MEIOB: variants seen among roughly 807,000 people sequenced by gnomAD.
MEIOB encodes the protein meiosis-specific with OB domain-containing protein.
In MEIOB, 50 loss-of-function variants were observed where a neutral mutation model predicts 53.1. The ratio of observed to expected loss-of-function variants is 0.94; its 90% CI spans 0.75 to 1.19. The LOEUF (loss-of-function observed/expected upper bound fraction) is 1.19, where lower values mean the gene tolerates loss of function less well. MEIOB is among the 50% of genes most tolerant of loss of function. The pLI is 0.00. For missense variants in MEIOB, 551 were observed against 550.8 expected (o/e 1.00, Z 0.00); for synonymous variants, 192 against 182.5 (o/e 1.05, Z -0.42).
At chr16:1,854,480 T>A (rs1164672214) in intron 6 of MEIOB, among the ~76,000 whole-genome samples, 2 of 152,226 alleles carry the variant, frequency 1.3e-5, no homozygotes, top group African/African-American at 2.4e-5. Context: ...CAAAGCTCCA[T>A]GACAGGCCCC....
Position 1,865,817 on chromosome 16 carries a change from T to C in MEIOB, c.88A>G (p.Ile30Val). 1 of 1,548,740 alleles carries C rather than the reference T, an allele frequency of 6.5e-7. No individual in the cohort carries two copies. The highest frequency in any genetic ancestry group is 1.4e-5 in the African/African-American group (1 of 73,024). Residue 30 changes from isoleucine to valine, a missense_variant, in exon 3 of 14, where the codon ATT becomes GTT. Physicochemically the swap from Ile to Val is conservative, Grantham distance 29. Coordinates refer to ENST00000325962, the MANE Select transcript of MEIOB (RefSeq NM_001163560.3). ...MANLKVIGIV[I>V]GKTDVKGFPD... ...AAGCCTTTGACATCTGTTTTCCCAATAACTATACCGATAACTTTCTGAAAA... is the reference window on the plus strand; with the variant it reads ...AAGCCTTTGACATCTGTTTTCCCAACAACTATACCGATAACTTTCTGAAAA...
intron 6 of MEIOB, among the ~76,000 whole-genome samples, chr16:1,856,312 T>C (rs1030598473): frequency 1.7e-5 from 2 of 118,664 alleles, no homozygotes; most frequent in African/African-American, 3.3e-5. Context: ...CCTGTCACCA[T>C]GCCCAGCTAA....
intron 9 of MEIOB, among the ~76,000 whole-genome samples, 190 bp from the exon 10 acceptor site, chr16:1,845,153 T>C (rs933707327): frequency 3.9e-5 from 6 of 152,208 alleles, no homozygotes; most frequent in Non-Finnish European, 5.9e-5. Context: ...CCACATTACA[T>C]CTAAAACAGA....
Position 1,841,958 on chromosome 16 carries a change from T to G in MEIOB, c.896A>C (p.Asp299Ala). ...KESINLSTIV[D>A]VYTVEQLKGK... Reference sequence around the variant, plus strand: ...CTTTAATTGTTCAACTGTGTAGACATCAACTATTGTACTTACTAAAAACAG... The same window carrying G: ...CTTTAATTGTTCAACTGTGTAGACAGCAACTATTGTACTTACTAAAAACAG... The change falls in exon 11 of 14, where the codon GAT becomes GCT. Residue 299 changes from aspartate (D) to alanine (A), a missense_variant. Coordinates refer to ENST00000325962, the MANE Select transcript of MEIOB (RefSeq NM_001163560.3). 7 of 1,592,182 alleles carry G rather than the reference T, an allele frequency of 4.4e-6. No homozygotes were observed. The highest frequency in any genetic ancestry group is 6.0e-6 in the Non-Finnish European group (7 of 1,170,476).
Position 1,853,115 on chromosome 16 carries a change from T to C in MEIOB, c.702A>G (p.Val234=), listed in dbSNP as rs1304369781. The C allele has an allele frequency of 6.2e-7, 1 of 1,612,138 alleles. No individual in the cohort carries two copies. Among genetic ancestry groups the C allele is most frequent in the Admixed American group, 1.7e-5 (1 of 59,944 alleles). The change falls in exon 9 of 14, where the codon GTA becomes GTG. Residue 234 remains valine, a synonymous_variant. Coordinates refer to ENST00000325962, the MANE Select transcript of MEIOB (RefSeq NM_001163560.3). ...TCCGAAATTTGTCAAAATTTATTCT[T>C]ACATCTGAGGCAAATATTACTGTTT... ...PRETVIFASD[V]RINFDKFRNC...
At chr16:1,853,313 A>ATCAGTTTTTTCTAGT in intron 7 of MEIOB, 42 bp from the exon 8 acceptor site, 1 of 1,374,688 alleles carries the variant, frequency 7.3e-7, no homozygotes, top group Non-Finnish European at 1.0e-6. Flanking sequence ...TGAATACACT[A>ATCAGTTTTTTCTAGT]GAAAAAACTG....
chr16:1,865,033 G>C (rs378201), intron 3 of MEIOB, among the ~76,000 whole-genome samples: 125,554 of 152,118 alleles, frequency 0.83, 51,943 homozygotes, highest in Middle Eastern at 0.9. Flanking sequence ...CCTGTAATCT[G>C]ATCACTCTAG....
intron 7 of MEIOB, 74 bp from the exon 8 acceptor site, chr16:1,853,345 C>T: frequency 8.2e-7 from 1 of 1,216,666 alleles, no homozygotes; most frequent in Non-Finnish European, 1.2e-6. Flanking sequence ...TTATTTACAA[C>T]AATAAAAGAA....
intron 10 of MEIOB, among the ~76,000 whole-genome samples, chr16:1,843,713 G>C (rs1384876320): frequency 7.0e-6 from 1 of 143,174 alleles, no homozygotes; most frequent in Admixed American, 6.9e-5. Flanking sequence ...AAAAAAAAAA[G>C]AGAATTCCAC....
At position 1,839,311 on chromosome 16, in the gene MEIOB, T is replaced by G; in HGVS notation, c.1162A>C (p.Thr388Pro). 6.2e-7 allele frequency: 1 copy of G among 1,614,138 alleles called. No individual in the cohort carries two copies. Residue 388 changes from threonine to proline, a missense_variant, in exon 12 of 14, where the codon ACC becomes CCC. Thr to Pro is a conservative substitution (Grantham distance 38). Transcript: ENST00000325962. ...CCTGTGAGACTACAGGAATGAAGGG[T>G]GCCTGTGTGATCAGTCAGATCAATC... The part of the protein sequence containing the change: ...VLIDLTDHTG[T>P]LHSCSLTGSV...
chr16:1,840,740 C>T (rs1481691041), intron 11 of MEIOB, among the ~76,000 whole-genome samples: 1 of 151,928 alleles, frequency 6.6e-6, no homozygotes, highest in African/African-American at 2.4e-5. Context: ...TTAGTAGAGA[C>T]AGGGTTTCAC....
chr16:1,867,410 A>G (rs1899620480), intron 2 of MEIOB, among the ~76,000 whole-genome samples: 1 of 151,972 alleles, frequency 6.6e-6, no homozygotes. Context: ...TACTTAGACC[A>G]TAAATTGGAT....
chr16:1,864,870 T>G (rs1176101054), intron 3 of MEIOB, among the ~76,000 whole-genome samples: 1 of 152,204 alleles, frequency 6.6e-6, no homozygotes, highest in Non-Finnish European at 1.5e-5. Flanking sequence ...AAGTGATGCC[T>G]TCTGAAATTT....
chr16:1,840,547 ATTT>A (rs202034014), intron 11 of MEIOB, among the ~76,000 whole-genome samples: 1,631 of 144,088 alleles, frequency 0.011, 28 homozygotes, highest in African/African-American at 0.039. Flanking sequence ...TCTTATTATT[ATTT>A]TTTTTTTTTT....
intron 3 of MEIOB, among the ~76,000 whole-genome samples, chr16:1,862,449 C>G (rs562419770): frequency 4.6e-5 from 7 of 152,150 alleles, no homozygotes; most frequent in Non-Finnish European, 1.0e-4. Context: ...CCTTTTCTCT[C>G]TTACTGTTGT....
At position 1,841,897 on chromosome 16, in the gene MEIOB, A is replaced by G. The variant is rs1325357279; in HGVS notation, c.957T>C (p.Pro319=). The change falls in exon 11 of 14, where the codon CCT becomes CCC. Residue 319 remains proline (P), a synonymous_variant. Transcript: ENST00000325962. ...TGTAGGCATAAAGGATGCCATAGGA[A>G]GGATCAGCTTTTCCTTCATTCTTCA... ...KALKNEGKAD[P]SYGILYAYIS... is the part of the protein sequence containing the mutation. 2.5e-6 allele frequency: 4 copies of G among 1,609,172 alleles called. No individual in the cohort carries two copies. The highest frequency in any genetic ancestry group is 3.4e-6 in the Non-Finnish European group (4 of 1,177,642).
chr16:1,841,676 C>A, intron 11 of MEIOB, 144 bp downstream of exon 11: 1 of 458,792 alleles, frequency 2.2e-6, no homozygotes, highest in Non-Finnish European at 3.6e-6. Context: ...GGAAACTTTT[C>A]AGTACAGTTT....
chr16:1,845,063 T>C, intron 9 of MEIOB, 100 bp from the exon 10 acceptor site: 2 of 607,606 alleles, frequency 3.3e-6, no homozygotes, highest in Non-Finnish European at 5.9e-6. Flanking sequence ...AGTGAAGACA[T>C]GTAAGAATAC....
chr16:1,842,905 G>A (rs1265196733), intron 10 of MEIOB, among the ~76,000 whole-genome samples: 5 of 148,796 alleles, frequency 3.4e-5, no homozygotes, highest in African/African-American at 7.3e-5. Flanking sequence ...CTCGTGATCC[G>A]CCCGCCTCGG....
Sources: allele counts gnomAD v4.1 joint callset (sites outside exome capture counted in the v4.1 genomes callset), GRCh38; gene constraint gnomAD v4.1.1; transcripts MANE v1.5; gene names NCBI Gene and HGNC (gene_info 2026-07-23, HGNC 2026-07-21).